DGKD: variants seen among roughly 807,000 people sequenced by gnomAD.
The protein encoded by DGKD is DAG kinase delta.
A neutral mutation model predicts 154.4 loss-of-function variants in DGKD; 68 were observed. The observed-to-expected ratio is 0.44, with a 90% confidence interval of 0.36 to 0.54. The LOEUF is 0.54. Among genes scored for constraint, DGKD ranks in the 20% least tolerant of loss-of-function variants. The pLI is 0.00. For synonymous variants in DGKD, 693 were observed against 638.0 expected, an observed-to-expected ratio of 1.09 and a Z score of -1.30; for missense variants, 1,343 against 1,593.6, an observed-to-expected ratio of 0.84 and a Z score of 2.68.
chr2:233,449,651 T>C lies in DGKD; in HGVS notation c.1888+275T>C, dbSNP rs988220220. Among the ~76,000 whole-genome samples the C allele has an allele frequency of 6.6e-6, 1 of 152,108 alleles. No homozygotes were observed. Among genetic ancestry groups the C allele is most frequent in the African/African-American group, 2.4e-5 (1 of 41,426 alleles). On this transcript the variant is annotated intron_variant, in intron 15 of 29. Coordinates refer to ENST00000264057, the MANE Select transcript of DGKD (RefSeq NM_152879.3). This position sits in a 1 kb window ranked among gnomAD's most constrained non-coding sequence, Gnocchi z 5.3. ...AAGCGTCTCACTCCCGTGAGAGCCT[T>C]GAGGTCACGGCCTCACACCCGCACA...
At chr2:233,405,053 G>T (rs1227241927) in intron 3 of DGKD, among the ~76,000 whole-genome samples, 1 of 152,188 alleles carries the variant, frequency 6.6e-6, no homozygotes, top group Admixed American at 6.5e-5. Flanking sequence ...TAAATTTCAG[G>T]AAAATGGATT....
intron 1 of DGKD, among the ~76,000 whole-genome samples, chr2:233,373,860 A>T (rs1375901147): frequency 1.3e-5 from 2 of 152,180 alleles, no homozygotes; most frequent in South Asian, 4.1e-4. Flanking sequence ...TAATGACATT[A>T]GCATCCCTAA....
chr2:233,437,323 G>GGT, intron 7 of DGKD, 54 bp from the exon 8 acceptor site: 22 of 1,521,356 alleles, frequency 1.4e-5, no homozygotes, highest in Non-Finnish European at 2.0e-5. Flanking sequence ...GAGGATTTCT[G>GGT]GTGTGTGTGA....
At chr2:233,448,763 C>CACACTCCTGTGCAAACATCTGATTGGTCT (rs1553537423) in intron 14 of DGKD, among the ~76,000 whole-genome samples, 9 of 152,152 alleles carry the variant, frequency 5.9e-5, no homozygotes, top group Non-Finnish European at 1.3e-4. Flanking sequence ...TTACAAAGGT[C>CACACTCCTGTGCAAACATCTGATTGGTCT]ACACTCCTGT....
At chr2:233,365,362 C>T (rs1039293112) in intron 1 of DGKD, among the ~76,000 whole-genome samples, 2 of 152,086 alleles carry the variant, frequency 1.3e-5, no homozygotes, top group African/African-American at 4.8e-5. Context: ...TCCAGAGTAG[C>T]TGCGACTACA....
chr2:233,457,039 A>C lies in DGKD; in HGVS notation c.2472+44A>C, dbSNP rs766071900. 4.0e-6 allele frequency: 6 copies of C among 1,498,938 alleles called. No individual in the cohort carries two copies. In the South Asian group the frequency reaches 6.8e-5, roughly 17 times the overall value. The allele number at this position is 1,498,938 out of a possible 1,614,324, so 92.9% of individuals were successfully genotyped here. A position where few individuals can be genotyped will look rare whatever the true frequency, so the allele number is the denominator to read the frequency against. On this transcript the variant is annotated intron_variant, in intron 20 of 29. Transcript: ENST00000264057. This position sits in a 1 kb window ranked among gnomAD's most constrained non-coding sequence, Gnocchi z 5.5. ...GTCACCTGCAGGCTGGCCTCCATCC[A>C]TCAGCAGACTGCCAGGCCTATTGCT...
At chr2:233,467,804 C>T (rs898128207) in intron 28 of DGKD, among the ~76,000 whole-genome samples, 8 of 152,164 alleles carry the variant, frequency 5.3e-5, no homozygotes, top group East Asian at 1.9e-4. Context: ...TGGTGTTTGC[C>T]GCCAGTCAGG....
chr2:233,457,447 G>T lies in DGKD; in HGVS notation c.2580+119G>T, dbSNP rs1345638624. On this transcript the variant is annotated intron_variant, in intron 21 of 29. Transcript: ENST00000264057. The surrounding 1 kb of genome is among the most constrained non-coding windows in gnomAD (Gnocchi z 5.5). ...GCTCTTCTGTTGTGCCAGCAGTGGG[G>T]TTGCCGTGGAGAACAAGATAGACAG... 2 of 797,234 alleles carry T rather than the reference G, an allele frequency of 2.5e-6. No individual in the cohort carries two copies. Among genetic ancestry groups the T allele is most frequent in the Non-Finnish European group, 2.2e-6 (1 of 462,438 alleles). 49.4% of individuals were successfully genotyped at this position (797,234 alleles called of 1,614,324 possible). A position where few individuals can be genotyped will look rare whatever the true frequency, so the allele number is the denominator to read the frequency against.
chr2:233,460,689 G>A (rs1365318371), intron 24 of DGKD, among the ~76,000 whole-genome samples: 1 of 152,164 alleles, frequency 6.6e-6, no homozygotes. Context: ...AAGAGATTGA[G>A]ACCATTCTGG....
At chr2:233,450,611 T>A (rs1308697378) in intron 16 of DGKD, among the ~76,000 whole-genome samples, 2 of 152,144 alleles carry the variant, frequency 1.3e-5, no homozygotes, top group Admixed American at 1.3e-4. Flanking sequence ...CCATGGCCAC[T>A]GCATGGCCAC....
In DGKD at chr2:233,464,193, G is replaced by A; in HGVS notation, c.3216G>A (p.Leu1072=). 6.2e-7 allele frequency: 1 copy of A among 1,613,622 alleles called. No homozygotes were observed. Among genetic ancestry groups the A allele is most frequent in the Non-Finnish European group, 8.5e-7 (1 of 1,180,024 alleles). Residue 1072 remains leucine, a synonymous_variant, in exon 27 of 30, where the codon CTG becomes CTA. Coordinates refer to ENST00000264057, the MANE Select transcript of DGKD (RefSeq NM_152879.3). ...LQLDPPQKEQ[L]GSALAEMDRQ... is the part of the protein sequence containing the mutation. ...TGGATCCGCCTCAGAAGGAGCAGCT[G>A]GGGAGTGCTCTTGCCGAGATGGACC... is the stretch of plus-strand genomic sequence containing the variant.
chr2:233,388,121 G>C, intron 1 of DGKD, 136 bp from the exon 2 acceptor site: 1 of 1,523,728 alleles, frequency 6.6e-7, no homozygotes, highest in Non-Finnish European at 8.8e-7. Flanking sequence ...CATAGGTCAA[G>C]GTCTGTTGAG....
intron 1 of DGKD, among the ~76,000 whole-genome samples, chr2:233,372,492 G>A (rs1702372976): frequency 6.6e-6 from 1 of 152,122 alleles, no homozygotes; most frequent in South Asian, 2.1e-4. Context: ...GGAAGTCTGA[G>A]AAGTTGTTCT....
At position 233,388,289 on chromosome 2, in the gene DGKD, G is replaced by A; in HGVS notation, c.189G>A (p.Gln63=). The change falls in exon 2 of 30, where the codon CAG becomes CAA. Residue 63 remains glutamine (Q), a synonymous_variant. Coordinates refer to ENST00000264057, the MANE Select transcript of DGKD (RefSeq NM_152879.3). ...TCAAAGAGGGGATGCTGACCAAACA[G>A]AACAATTCATTCCAGCGATCAAAAA... ...TIIKEGMLTK[Q]NNSFQRSKRR... 2 of 1,614,060 alleles carry A rather than the reference G, an allele frequency of 1.2e-6. No individual in the cohort carries two copies. Among genetic ancestry groups the A allele is most frequent in the Non-Finnish European group, 1.7e-6 (2 of 1,179,992 alleles).
chr2:233,456,983 G>A lies in DGKD; in HGVS notation c.2460G>A (p.Lys820=), dbSNP rs1284117272. 4 of 1,613,932 alleles carry A rather than the reference G, an allele frequency of 2.5e-6. No homozygotes were observed. In the Admixed American group the frequency reaches 6.7e-5, roughly 27 times the overall value. Residue 820 remains lysine, a synonymous_variant, in exon 20 of 30, where the codon AAG becomes AAA. Coordinates refer to ENST00000264057, the MANE Select transcript of DGKD (RefSeq NM_152879.3). ...GAACCTACAAGAACCTGGAGCAAAA[G>A]GTCTTGCTGGAGGTGAGTGGGAGGG... ...LHRTYKNLEQ[K]VLLECDGRPI...
intron 3 of DGKD, chr2:233,419,534 C>G: frequency 1.3e-6 from 1 of 758,032 alleles, no homozygotes; most frequent in Non-Finnish European, 1.6e-6. Flanking sequence ...TAAGATGCTC[C>G]AGAGGGTTGC....
In DGKD at chr2:233,462,750, C is replaced by G; in HGVS notation, c.3186+15C>G. 2 of 1,607,316 alleles carry G rather than the reference C, an allele frequency of 1.2e-6. No individual in the cohort carries two copies. The highest frequency in any genetic ancestry group is 1.7e-6 in the Non-Finnish European group (2 of 1,175,058). ...AGATGGCCCTGGTAAGCTGGTGCCC[C>G]AGGGACAGCAGGGCTCGGGCTGTGT... is the stretch of plus-strand genomic sequence containing the variant. On this transcript the variant is annotated intron_variant, in intron 26 of 29. Transcript: ENST00000264057.
Position 233,451,188 on chromosome 2 carries a change from C to T in DGKD, c.2167+138C>T, listed in dbSNP as rs912214449. On this transcript the variant is annotated intron_variant, in intron 17 of 29. Coordinates refer to ENST00000264057, the MANE Select transcript of DGKD (RefSeq NM_152879.3). ...GATAGGTGGAATTGAAAAATTTACACGACTGTATGAAAAGTGCTTTTTTTT... is the reference window on the plus strand; with the variant it reads ...GATAGGTGGAATTGAAAAATTTACATGACTGTATGAAAAGTGCTTTTTTTT... 2.3e-4 allele frequency: 217 copies of T among 928,406 alleles called. 1 individual carries two copies. Among genetic ancestry groups the T allele is most frequent in the Non-Finnish European group, 3.0e-4 (198 of 666,354 alleles). 57.5% of individuals were successfully genotyped at this position (928,406 alleles called of 1,614,324 possible).
intron 1 of DGKD, among the ~76,000 whole-genome samples, chr2:233,365,509 T>C (rs920270040): frequency 1.3e-5 from 2 of 152,142 alleles, no homozygotes; most frequent in African/African-American, 4.8e-5. Context: ...CCTCCTGAAG[T>C]GCTGGGATTA....
Sources: gnomAD v4.1 joint callset for allele counts (sites outside exome capture counted in the v4.1 genomes callset) on GRCh38, gnomAD v4.1.1 for gene constraint, Gnocchi (gnomAD v3.1) non-coding constraint, MANE v1.5 for transcripts, NCBI Gene and HGNC (gene_info 2026-07-23, HGNC 2026-07-21) for gene names.